Variants in EPHB1 observed in about 807,000 individuals in gnomAD.
EPHB1 encodes ephrin type-B receptor 1.
EPHB1 carries 30 observed loss-of-function variants against 94.4 expected under a neutral mutation model. The ratio of observed to expected loss-of-function variants is 0.32; its 90% CI spans 0.24 to 0.43. EPHB1 has a LOEUF of 0.43. EPHB1 is among the 20% of genes least tolerant of loss of function. The pLI is 1.00. For synonymous variants in EPHB1, 522 were observed against 489.1 expected, an observed-to-expected ratio of 1.07 and a Z score of -0.89; for missense variants, 1,055 against 1,308.3, an observed-to-expected ratio of 0.81 and a Z score of 2.99.
chr3:135,063,208 T>A (rs1332581419), intron 3 of EPHB1, among the ~76,000 whole-genome samples: 1 of 152,190 alleles, frequency 6.6e-6, no homozygotes, highest in Non-Finnish European at 1.5e-5. Flanking sequence ...AATTGTTTTT[T>A]CTAATTCTGT....
intron 4 of EPHB1, among the ~76,000 whole-genome samples, chr3:135,107,022 G>C (rs1576389463): frequency 6.6e-6 from 1 of 152,128 alleles, no homozygotes; most frequent in South Asian, 2.1e-4. Flanking sequence ...CCCTCAGAGT[G>C]CTCATCATTT....
chr3:135,199,812 T>C (rs1942710857), intron 11 of EPHB1, among the ~76,000 whole-genome samples: 1 of 152,244 alleles, frequency 6.6e-6, no homozygotes, highest in Non-Finnish European at 1.5e-5. Flanking sequence ...TGCTCCTAAG[T>C]AGAGTATTTT....
chr3:135,170,340 A>T (rs1330289791), intron 9 of EPHB1, among the ~76,000 whole-genome samples: 1 of 152,210 alleles, frequency 6.6e-6, no homozygotes, highest in African/African-American at 2.4e-5. Context: ...CTTCTAGGGC[A>T]CTGGTTTAAT....
intron 3 of EPHB1, among the ~76,000 whole-genome samples, chr3:135,077,180 G>A (rs927325633): frequency 7.2e-5 from 11 of 152,224 alleles, no homozygotes; most frequent in African/African-American, 2.4e-4. Context: ...TGGACAGGGA[G>A]AGAAGGGGAG....
chr3:135,109,369 T>C (rs1380511635), intron 4 of EPHB1, among the ~76,000 whole-genome samples: 2 of 152,234 alleles, frequency 1.3e-5, no homozygotes, highest in Non-Finnish European at 1.5e-5. Flanking sequence ...GTCATTTTAT[T>C]CTCACGACTT....
intron 12 of EPHB1, among the ~76,000 whole-genome samples, chr3:135,236,581 C>T (rs1056105089): frequency 1.3e-5 from 2 of 152,116 alleles, no homozygotes; most frequent in African/African-American, 4.8e-5. Context: ...CCTCAATATA[C>T]TTTATGTATT....
chr3:134,795,584 G>C lies in EPHB1; in HGVS notation c.-48G>C. On this transcript the variant is annotated 5_prime_UTR_variant, in exon 1 of 16. Transcript: ENST00000398015. ...GCGCCCTGGGACGCGGCGCTCTCCC[G>C]GCGCTGCTGCCTCGGCTTGGTCTCG... 6.3e-7 allele frequency: 1 copy of C among 1,585,822 alleles called. No homozygotes were observed. Among genetic ancestry groups the C allele is most frequent in the African/African-American group, 1.4e-5 (1 of 71,758 alleles).
chr3:135,098,355 TG>T, intron 3 of EPHB1, among the ~76,000 whole-genome samples: 1 of 152,200 alleles, frequency 6.6e-6, no homozygotes, highest in Non-Finnish European at 1.5e-5. Flanking sequence ...TGTGTGTGTG[TG>T]TGTGTATAAA....
At chr3:135,043,262 A>T (rs1299450188) in intron 3 of EPHB1, among the ~76,000 whole-genome samples, 1 of 148,006 alleles carries the variant, frequency 6.8e-6, no homozygotes, top group Non-Finnish European at 1.5e-5. Context: ...CAAATAATAA[A>T]TAATAATAAT....
intron 9 of EPHB1, among the ~76,000 whole-genome samples, chr3:135,176,490 G>A (rs2107703505): frequency 6.6e-6 from 1 of 152,270 alleles, no homozygotes; most frequent in African/African-American, 2.4e-5. Flanking sequence ...CAATGCCCAT[G>A]GCCCCAGAAC....
intron 9 of EPHB1, among the ~76,000 whole-genome samples, chr3:135,171,170 GA>G (rs201484898): frequency 5.3e-5 from 8 of 150,688 alleles, no homozygotes; most frequent in Admixed American, 1.3e-4. Context: ...GTTTCATTAA[GA>G]AAAAAAAATA....
chr3:135,205,581 A>G (rs1942880196), intron 12 of EPHB1, among the ~76,000 whole-genome samples: 1 of 152,186 alleles, frequency 6.6e-6, no homozygotes, highest in Admixed American at 6.5e-5. Context: ...AATATTTAGT[A>G]CCTGTGAAAT....
chr3:135,178,801 CCTGA>C (rs2107704386), intron 9 of EPHB1, among the ~76,000 whole-genome samples: 1 of 152,238 alleles, frequency 6.6e-6, no homozygotes, highest in African/African-American at 2.4e-5. Context: ...CCCCTGCTGA[CCTGA>C]CTGTTTCTTG....
chr3:134,895,284 C>A (rs1000633325), intron 1 of EPHB1, among the ~76,000 whole-genome samples: 5 of 152,196 alleles, frequency 3.3e-5, no homozygotes, highest in African/African-American at 1.2e-4. Context: ...CTTGTCTTCT[C>A]ATTCTTTATT....
intron 11 of EPHB1, among the ~76,000 whole-genome samples, chr3:135,200,041 C>G (rs1004718837): frequency 6.6e-6 from 1 of 152,168 alleles, no homozygotes; most frequent in African/African-American, 2.4e-5. Context: ...TAAACATAGA[C>G]TAGACCCCAG....
intron 2 of EPHB1, among the ~76,000 whole-genome samples, chr3:134,936,572 C>A (rs977703496): frequency 6.7e-6 from 1 of 148,560 alleles, no homozygotes; most frequent in South Asian, 2.1e-4. Context: ...GCTGAACGCG[C>A]CCCCCCCTCC....
intron 1 of EPHB1, among the ~76,000 whole-genome samples, chr3:134,899,621 A>G (rs1009398873): frequency 1.3e-5 from 2 of 152,110 alleles, no homozygotes; most frequent in Non-Finnish European, 2.9e-5. Flanking sequence ...CAACCACTCA[A>G]AACACACTCT....
intron 1 of EPHB1, among the ~76,000 whole-genome samples, chr3:134,821,273 A>G (rs72982171): frequency 0.043 from 6,617 of 152,250 alleles, 458 homozygotes; most frequent in African/African-American, 0.15. Flanking sequence ...TGTTAGTCTC[A>G]TCCAAAAACA....
At chr3:135,010,569 T>G (rs1196748654) in intron 3 of EPHB1, among the ~76,000 whole-genome samples, 1 of 149,342 alleles carries the variant, frequency 6.7e-6, no homozygotes, top group Non-Finnish European at 1.5e-5. Flanking sequence ...TTTTTTTTTT[T>G]TTTTTTTTTT....
Sources: gnomAD v4.1 joint callset for allele counts (sites outside exome capture counted in the v4.1 genomes callset) on GRCh38, gnomAD v4.1.1 for gene constraint, MANE v1.5 for transcripts, NCBI Gene and HGNC (gene_info 2026-07-23, HGNC 2026-07-21) for gene names.